Variants in CALD1 observed in about 807,000 individuals in gnomAD.
The protein encoded by CALD1 is caldesmon 1.
In CALD1, 33 loss-of-function variants were observed where a neutral mutation model predicts 99.9. The ratio of observed to expected loss-of-function variants is 0.33; its 90% CI spans 0.25 to 0.44. The LOEUF (loss-of-function observed/expected upper bound fraction) is 0.44. CALD1 is among the 20% of genes least tolerant of loss of function. The pLI is 1.00. For missense variants in CALD1, 861 were observed against 962.1 expected (o/e 0.89, Z 1.39); for synonymous variants, 310 against 325.0 (o/e 0.95, Z 0.50).
intron 2 of CALD1, among the ~76,000 whole-genome samples, chr7:134,854,697 AT>A (rs1413876188): frequency 6.6e-6 from 1 of 152,184 alleles, no homozygotes; most frequent in Non-Finnish European, 1.5e-5. Context: ...ATAGCTTAGG[AT>A]TTTTTTCCCC....
intron 1 of CALD1, among the ~76,000 whole-genome samples, chr7:134,789,266 T>C (rs1797427845): frequency 6.6e-6 from 1 of 152,204 alleles, no homozygotes; most frequent in Admixed American, 6.5e-5. Flanking sequence ...TTAAGTAATA[T>C]AGCTAAGGTC....
At chr7:134,737,101 A>G in the CALD1 span, among the ~76,000 whole-genome samples, 1 of 152,148 alleles carries the variant, frequency 6.6e-6, no homozygotes, top group East Asian at 1.9e-4. Flanking sequence ...CAAGCAAATG[A>G]CATCTGATTT....
Position 134,933,675 on chromosome 7 carries a change from T to A in CALD1, c.906T>A (p.Ala302=). ...GAATTGAAGCAGAAGAAAAAGCAGC[T>A]GCCCAAGAAAGAGAAAGGAGAGAGG... The part of the protein sequence containing the change: ...RARIEAEEKA[A]AQERERREAE... The change falls in exon 5 of 15, where the codon GCT becomes GCA. Residue 302 remains alanine, a synonymous_variant. Transcript: ENST00000361675. 1 of 1,593,116 alleles carries A rather than the reference T, an allele frequency of 6.3e-7. No homozygotes were observed. The highest frequency in any genetic ancestry group is 8.6e-7 in the Non-Finnish European group (1 of 1,169,522).
intron 3 of CALD1, among the ~76,000 whole-genome samples, chr7:134,898,951 T>C (rs1260565437): frequency 6.6e-6 from 1 of 152,372 alleles, no homozygotes; most frequent in South Asian, 2.1e-4. Flanking sequence ...CCTGATATTA[T>C]CTACTCTAAC....
At chr7:134,922,077 A>G (rs192594233) in intron 3 of CALD1, among the ~76,000 whole-genome samples, 2 of 152,338 alleles carry the variant, frequency 1.3e-5, no homozygotes, top group East Asian at 1.9e-4. Context: ...ACTATATTAT[A>G]TATCCCATGT....
At chr7:134,790,168 T>C (rs1411139584) in intron 1 of CALD1, among the ~76,000 whole-genome samples, 3 of 150,386 alleles carry the variant, frequency 2.0e-5, no homozygotes, top group Admixed American at 2.0e-4. Flanking sequence ...AGAAGGAAAT[T>C]GGAATTTATC....
the CALD1 span, among the ~76,000 whole-genome samples, chr7:134,733,495 T>C: frequency 6.6e-6 from 1 of 152,290 alleles, no homozygotes; most frequent in South Asian, 2.1e-4. Context: ...CCCACAACAA[T>C]ACCCATATTG....
At chr7:134,956,274 C>T (rs1464376048) in intron 9 of CALD1, among the ~76,000 whole-genome samples, 3 of 151,936 alleles carry the variant, frequency 2.0e-5, no homozygotes, top group Non-Finnish European at 2.9e-5. Flanking sequence ...TTATTAATTG[C>T]TCATGAATCC....
chr7:134,957,959 A>T (rs753261363), intron 9 of CALD1, 110 bp from the exon 10 acceptor site: 11 of 780,468 alleles, frequency 1.4e-5, no homozygotes, highest in Non-Finnish European at 2.5e-5. Context: ...ATACCCTTAT[A>T]TGCTCTTCGG....
intron 9 of CALD1, among the ~76,000 whole-genome samples, chr7:134,952,471 G>T (rs12707193): frequency 6.7e-6 from 1 of 149,576 alleles, no homozygotes; most frequent in Non-Finnish European, 1.5e-5. Context: ...ACTTCCCTTA[G>T]TCTTTTTTTT....
At chr7:134,734,129 TGAG>T in the CALD1 span, among the ~76,000 whole-genome samples, 5 of 152,172 alleles carry the variant, frequency 3.3e-5, no homozygotes, top group Non-Finnish European at 7.3e-5. Flanking sequence ...TTCCATAGCA[TGAG>T]GAGAGGGTCA....
intron 6 of CALD1, among the ~76,000 whole-genome samples, chr7:134,937,381 C>T (rs1338938345): frequency 6.6e-6 from 1 of 152,148 alleles, no homozygotes; most frequent in Non-Finnish European, 1.5e-5. Context: ...CAGCACATTC[C>T]AGCCAGTTCC....
At chr7:134,837,148 C>T (rs1799477028) in intron 1 of CALD1, among the ~76,000 whole-genome samples, 1 of 151,728 alleles carries the variant, frequency 6.6e-6, no homozygotes. Flanking sequence ...GGGTAGCTTG[C>T]TAGTCTTGGG....
At chr7:134,932,957 TG>T in intron 4 of CALD1, 30 bp from the exon 5 acceptor site, 1 of 1,465,760 alleles carries the variant, frequency 6.8e-7, no homozygotes, top group Non-Finnish European at 9.4e-7. Context: ...ATGAGCAAGC[TG>T]TCTTTGGTGT....
At chr7:134,826,250 C>G (rs1255194486) in intron 1 of CALD1, among the ~76,000 whole-genome samples, 1 of 152,138 alleles carries the variant, frequency 6.6e-6, no homozygotes, top group East Asian at 1.9e-4. Context: ...TCCCACCCTC[C>G]CAGGCAGGCT....
chr7:134,914,070 T>A (rs913292968), intron 3 of CALD1, among the ~76,000 whole-genome samples: 5 of 152,194 alleles, frequency 3.3e-5, no homozygotes, highest in African/African-American at 1.2e-4. Flanking sequence ...CGAAATAATG[T>A]CAAAATTCCT....
chr7:134,947,397 G>A (rs1237217301), intron 7 of CALD1, 111 bp from the exon 8 acceptor site: 4 of 1,105,288 alleles, frequency 3.6e-6, no homozygotes, highest in Admixed American at 2.5e-5. Flanking sequence ...GCTAATGAGA[G>A]GCAGTGGGTA....
intron 1 of CALD1, among the ~76,000 whole-genome samples, chr7:134,750,996 G>A (rs1796681269): frequency 6.6e-6 from 1 of 152,082 alleles, no homozygotes; most frequent in African/African-American, 2.4e-5. Context: ...TTAATCTGAA[G>A]CCCCTTCCCA....
chr7:134,721,855 G>C, the CALD1 span, among the ~76,000 whole-genome samples: 7 of 152,138 alleles, frequency 4.6e-5, no homozygotes, highest in African/African-American at 1.7e-4. Flanking sequence ...CATCACATAG[G>C]TAAGACTTGA....
Sources: gnomAD v4.1 joint callset for allele counts (sites outside exome capture counted in the v4.1 genomes callset) on GRCh38, gnomAD v4.1.1 for gene constraint, MANE v1.5 for transcripts, NCBI Gene and HGNC (gene_info 2026-07-23, HGNC 2026-07-21) for gene names.